Variants in ARHGEF38 observed in about 807,000 individuals in gnomAD.
ARHGEF38 encodes the protein Rho guanine nucleotide exchange factor (GEF) 38.
Under a neutral mutation model 79.9 loss-of-function variants are expected in ARHGEF38, and 79 were observed. The observed-to-expected ratio is 0.99, with a 90% CI of 0.82 to 1.19. The LOEUF is 1.19. Among genes scored for constraint, ARHGEF38 ranks in the 50% most tolerant of loss-of-function variants. The pLI is 0.00. For synonymous variants in ARHGEF38, 366 were observed against 328.3 expected, an observed-to-expected ratio of 1.11 and a Z score of -1.24; for missense variants, 962 against 907.2, an observed-to-expected ratio of 1.06 and a Z score of -0.78.
chr4:105,557,063 T>C (rs553569990), intron 1 of ARHGEF38, among the ~76,000 whole-genome samples: 1 of 152,228 alleles, frequency 6.6e-6, no homozygotes, highest in East Asian at 1.9e-4. Flanking sequence ...CTGGGAGCCA[T>C]AGAAATTACC....
At chr4:105,555,056 A>G (rs1411348028) in intron 1 of ARHGEF38, among the ~76,000 whole-genome samples, 1 of 152,146 alleles carries the variant, frequency 6.6e-6, no homozygotes, top group Non-Finnish European at 1.5e-5. Context: ...AAATTTTCCT[A>G]AAAAAATAAG....
At chr4:105,608,768 A>T (rs1728164018) in intron 2 of ARHGEF38, among the ~76,000 whole-genome samples, 1 of 151,826 alleles carries the variant, frequency 6.6e-6, no homozygotes, top group Non-Finnish European at 1.5e-5. Flanking sequence ...ATGTAGGTAA[A>T]CGTGTGTCAT....
chr4:105,626,648 T>G (rs1728960089), intron 3 of ARHGEF38, among the ~76,000 whole-genome samples: 1 of 152,116 alleles, frequency 6.6e-6, no homozygotes, highest in East Asian at 1.9e-4. Flanking sequence ...TCAGTTTGTT[T>G]ATCTTCTTCA....
chr4:105,653,449 A>T (rs575934608), intron 7 of ARHGEF38, among the ~76,000 whole-genome samples: 1 of 151,448 alleles, frequency 6.6e-6, no homozygotes, highest in African/African-American at 2.4e-5. Flanking sequence ...CAGCCTCCTG[A>T]GTATCTGGGA....
chr4:105,653,354 G>A (rs1167208799), intron 7 of ARHGEF38, among the ~76,000 whole-genome samples: 5 of 145,144 alleles, frequency 3.4e-5, no homozygotes, highest in African/African-American at 1.0e-4. Context: ...ACAGAGTCTC[G>A]CTCTGTTGCC....
chr4:105,664,352 A>G (rs200654107), intron 10 of ARHGEF38, among the ~76,000 whole-genome samples: 1 of 152,024 alleles, frequency 6.6e-6, no homozygotes. Flanking sequence ...CTACTTTCCA[A>G]CTCTTTTAGA....
At chr4:105,613,204 A>G (rs986587366) in intron 2 of ARHGEF38, among the ~76,000 whole-genome samples, 180 bp from the exon 3 acceptor site, 2 of 152,176 alleles carry the variant, frequency 1.3e-5, no homozygotes, top group South Asian at 2.1e-4. Context: ...GAAGTAACAG[A>G]TGCATCATCC....
chr4:105,557,955 G>A (rs924448286), intron 1 of ARHGEF38, among the ~76,000 whole-genome samples: 1 of 152,168 alleles, frequency 6.6e-6, no homozygotes, highest in South Asian at 2.1e-4. Flanking sequence ...GAATACATGG[G>A]TAAAATGCTA....
chr4:105,680,168 C>G lies in ARHGEF38; in HGVS notation c.*2231C>G, dbSNP rs1189766166. The G allele has an allele frequency of 1.7e-6, 1 of 592,858 alleles. No homozygotes were observed. The highest frequency in any genetic ancestry group is 3.1e-6 in the Non-Finnish European group (1 of 317,642). 36.7% of individuals were successfully genotyped at this position (592,858 alleles called of 1,614,324 possible). A position where few individuals can be genotyped will look rare whatever the true frequency, so the allele number is the denominator to read the frequency against. On this transcript the variant is annotated 3_prime_UTR_variant, in exon 14 of 14. Coordinates refer to ENST00000420470, the MANE Select transcript of ARHGEF38 (RefSeq NM_001242729.2). ...GAGGGACTGGAATTTAAAACCAGGT[C>G]TTCTGACTTTAAGGCCTTTCTTTTA... is the stretch of plus-strand genomic sequence containing the variant.
At chr4:105,642,995 T>C (rs1236896188) in intron 5 of ARHGEF38, among the ~76,000 whole-genome samples, 1 of 152,096 alleles carries the variant, frequency 6.6e-6, no homozygotes, top group Non-Finnish European at 1.5e-5. Flanking sequence ...GAATTATTTC[T>C]ACTTTCTACT....
At chr4:105,598,849 G>A (rs1276795799) in intron 2 of ARHGEF38, among the ~76,000 whole-genome samples, 1 of 152,042 alleles carries the variant, frequency 6.6e-6, no homozygotes, top group East Asian at 1.9e-4. Context: ...GTTAATAAGG[G>A]CAGTTCCTAT....
At chr4:105,579,621 G>T (rs1173198470) in intron 1 of ARHGEF38, among the ~76,000 whole-genome samples, 1 of 152,130 alleles carries the variant, frequency 6.6e-6, no homozygotes, top group Admixed American at 6.5e-5. Flanking sequence ...TGTGCTGCTG[G>T]ATTTGATTTG....
downstream of ARHGEF38, chr4:105,682,508 CATT>C (rs1244688383): frequency 2.3e-6 from 1 of 438,220 alleles, no homozygotes; most frequent in Non-Finnish European, 4.1e-6. Flanking sequence ...TCATTCTAAT[CATT>C]GTTTTCACAC....
chr4:105,627,894 G>A (rs1729014614), intron 3 of ARHGEF38, among the ~76,000 whole-genome samples: 1 of 152,158 alleles, frequency 6.6e-6, no homozygotes, highest in Admixed American at 6.5e-5. Flanking sequence ...GGGCTGGGAG[G>A]GGAATAAAAT....
In ARHGEF38 at chr4:105,631,008, C is replaced by T. The variant is rs756028271; in HGVS notation, c.619C>T (p.Leu207=). Residue 207 remains leucine (L), a synonymous_variant, in exon 4 of 14, where the codon CTG becomes TTG. Transcript: ENST00000420470. ...ILESYEKEEE[L]KEHLSHCIQS... is the part of the protein sequence containing the mutation. ...GGAGTCCTATGAAAAGGAAGAAGAGCTGAAGGAACATTTGAGCCACTGTAT... is the reference window on the plus strand; with the variant it reads ...GGAGTCCTATGAAAAGGAAGAAGAGTTGAAGGAACATTTGAGCCACTGTAT... The T allele has an allele frequency of 8.1e-6, 13 of 1,613,570 alleles. No individual in the cohort carries two copies. In the Admixed American group the frequency reaches 1.8e-4, roughly 23 times the overall value.
intron 1 of ARHGEF38, among the ~76,000 whole-genome samples, chr4:105,572,676 T>C (rs1321912037): frequency 1.3e-5 from 2 of 152,216 alleles, no homozygotes; most frequent in Admixed American, 1.3e-4. Context: ...CTTGCCATAA[T>C]GTCCTCAAGG....
At chr4:105,554,847 A>G (rs949013918) in intron 1 of ARHGEF38, among the ~76,000 whole-genome samples, 2 of 152,158 alleles carry the variant, frequency 1.3e-5, no homozygotes, top group Non-Finnish European at 2.9e-5. Context: ...CGAAGTTTGT[A>G]TACCTTATTT....
At chr4:105,564,487 G>A (rs1171974220) in intron 1 of ARHGEF38, among the ~76,000 whole-genome samples, 3 of 152,146 alleles carry the variant, frequency 2.0e-5, no homozygotes, top group Non-Finnish European at 4.4e-5. Flanking sequence ...TCCAGGGGCT[G>A]GGGGAAGGAG....
chr4:105,675,867 A>C (rs1189287776), intron 13 of ARHGEF38, among the ~76,000 whole-genome samples: 1 of 152,190 alleles, frequency 6.6e-6, no homozygotes, highest in African/African-American at 2.4e-5. Flanking sequence ...AAGAGAAACC[A>C]ATCCCATTCA....
Sources: gnomAD v4.1 joint callset for allele counts (sites outside exome capture counted in the v4.1 genomes callset) on GRCh38, gnomAD v4.1.1 for gene constraint, MANE v1.5 for transcripts, NCBI Gene and HGNC (gene_info 2026-07-23, HGNC 2026-07-21) for gene names.